Variants in DNMT3B observed in about 807,000 individuals in gnomAD.
DNMT3B encodes DNA methyltransferase 3 beta, also known as DNA (cytosine-5)-methyltransferase 3B.
Under a neutral mutation model 120.2 loss-of-function variants are expected in DNMT3B, and 37 were observed. The observed-to-expected ratio is 0.31, with a 90% confidence interval of 0.24 to 0.40. The LOEUF (loss-of-function observed/expected upper bound fraction) is 0.40. Ranked by LOEUF, DNMT3B falls within the 10% of genes least tolerant of loss-of-function variation. The probability of loss-of-function intolerance (pLI) is 1.00; values close to 1 mark genes in which losing one functional copy is unlikely to be tolerated. For synonymous variants in DNMT3B, 412 were observed against 442.8 expected, an observed-to-expected ratio of 0.93 and a Z score of 0.87; for missense variants, 878 against 1,137.3, an observed-to-expected ratio of 0.77 and a Z score of 3.28.
chr20:32,780,799 G>A (rs1309694523), intron 2 of DNMT3B, among the ~76,000 whole-genome samples: 2 of 152,132 alleles, frequency 1.3e-5, no homozygotes, highest in Admixed American at 1.3e-4. Flanking sequence ...TCAGAGCTGG[G>A]CTGGGGTTGG....
Position 32,762,685 on chromosome 20 carries a change from C to G in DNMT3B, c.-21C>G, listed in dbSNP as rs542835821. 34 of 193,836 alleles carry G rather than the reference C, an allele frequency of 1.8e-4. No homozygotes were observed. The highest frequency in any genetic ancestry group is 7.4e-4 in the African/African-American group (31 of 41,856). 12.0% of individuals were successfully genotyped at this position (193,836 alleles called of 1,614,324 possible). A position where few individuals can be genotyped will look rare whatever the true frequency, so the allele number is the denominator to read the frequency against. ...GCTCCGCCGCCCAGCCGCGCCCCAGCCAGCCCTGCGGCAGGTGAGCGCCCC... is the reference window on the plus strand; with the variant it reads ...GCTCCGCCGCCCAGCCGCGCCCCAGGCAGCCCTGCGGCAGGTGAGCGCCCC... On this transcript the variant is annotated 5_prime_UTR_variant, in exon 1 of 23. Coordinates refer to ENST00000328111, the MANE Select transcript of DNMT3B (RefSeq NM_006892.4).
chr20:32,800,959 G>T, intron 18 of DNMT3B, 34 bp downstream of exon 18: 3 of 1,612,322 alleles, frequency 1.9e-6, no homozygotes, highest in Non-Finnish European at 2.5e-6. Flanking sequence ...TCCCTGGAGA[G>T]CCTATGTCAC....
At position 32,784,836 on chromosome 20, in the gene DNMT3B, A is replaced by G. The variant is rs1979064896; in HGVS notation, c.283A>G (p.Arg95Gly). The change falls in exon 4 of 23, where the codon AGG (arginine) becomes GGG (glycine). Residue 95 changes from arginine to glycine, a missense_variant. Transcript: ENST00000328111. ...PVMPKLFRET[R>G]TRSESPAVRT... Reference sequence around the variant, plus strand: ...CATGCCAAAGCTCTTCCGGGAAACCAGGACTCGTTCAGAAAGCCCAGCTGT... The same window carrying G: ...CATGCCAAAGCTCTTCCGGGAAACCGGGACTCGTTCAGAAAGCCCAGCTGT... 1.9e-6 allele frequency: 3 copies of G among 1,614,052 alleles called. No individual in the cohort carries two copies. Among genetic ancestry groups the G allele is most frequent in the South Asian group, 2.2e-5 (2 of 91,078 alleles).
intron 4 of DNMT3B, 115 bp from the exon 5 acceptor site, chr20:32,786,387 C>T: frequency 1.4e-6 from 2 of 1,462,412 alleles, no homozygotes; most frequent in Non-Finnish European, 1.9e-6. Flanking sequence ...TTCCAGTTGT[C>T]CTGAAGCTGG....
Position 32,787,285 on chromosome 20 carries a change from G to C in DNMT3B, c.488G>C (p.Ser163Thr). ...SAGTPWPSPPSSYLTIDLTDD... is the reference protein window; with the variant it reads ...SAGTPWPSPPTSYLTIDLTDD... ...GGAACGCCATGGCCGTCCCCTCCCA[G>C]CTCTTACCTTACCATCGACCTCACA... The change falls in exon 6 of 23, where the codon AGC becomes ACC. Residue 163 changes from serine to threonine, a missense_variant. Physicochemically the swap from Ser to Thr is moderately conservative, Grantham distance 58 (BLOSUM62 1). Coordinates refer to ENST00000328111, the MANE Select transcript of DNMT3B (RefSeq NM_006892.4). The C allele has an allele frequency of 6.2e-7, 1 of 1,614,218 alleles. No individual in the cohort carries two copies. Among genetic ancestry groups the C allele is most frequent in the Non-Finnish European group, 8.5e-7 (1 of 1,180,042 alleles).
rs1981966121 is a variant in DNMT3B at position 32,806,207 on chromosome 20, A to G, written c.2302-2A>G. On this transcript the variant is annotated splice_acceptor_variant, in intron 21 of 22. Coordinates refer to ENST00000328111, the MANE Select transcript of DNMT3B (RefSeq NM_006892.4). LOFTEE classifies it high-confidence loss of function. ...ACTCCATGATGTCATTTTGTTCTCC[A>G]GTTAAAGAAAGTACAGACAATAACC... The G allele has an allele frequency of 6.2e-7, 1 of 1,613,766 alleles. No homozygotes were observed. The highest frequency in any genetic ancestry group is 8.5e-7 in the Non-Finnish European group (1 of 1,179,784).
chr20:32,780,380 C>G lies in DNMT3B; in HGVS notation c.57C>G (p.Asp19Glu). The G allele has an allele frequency of 6.2e-7, 1 of 1,613,924 alleles. No homozygotes were observed. The highest frequency in any genetic ancestry group is 8.5e-7 in the Non-Finnish European group (1 of 1,179,982). Residue 19 changes from aspartate (D) to glutamate (E), a missense_variant, in exon 2 of 23, where the codon GAC becomes GAG. Around this residue, in one of 4 missense-constraint regions of DNMT3B, gnomAD observed 287 missense variants for 306.2 expected, o/e 0.94. Coordinates refer to ENST00000328111, the MANE Select transcript of DNMT3B (RefSeq NM_006892.4). ...NGEEDAGGRE[D>E]SILVNGACSD... ...AGGAGGACGCCGGCGGGAGGGAAGACTCGATCCTCGTCAACGGGGCCTGCA... is the reference window on the plus strand; with the variant it reads ...AGGAGGACGCCGGCGGGAGGGAAGAGTCGATCCTCGTCAACGGGGCCTGCA...
chr20:32,806,300 A>G lies in DNMT3B; in HGVS notation c.2393A>G (p.Asp798Gly). The G allele has an allele frequency of 1.2e-6, 2 of 1,614,240 alleles. No individual in the cohort carries two copies. Among genetic ancestry groups the G allele is most frequent in the South Asian group, 1.1e-5 (1 of 91,086 alleles). Residue 798 changes from aspartate (D) to glycine (G), a missense_variant, in exon 22 of 23, where the codon GAT (aspartate) becomes GGT (glycine). Transcript: ENST00000328111. ...CCTGTTGTCATGAATGGCAAAGAAG[A>G]TGTTTTGTGGTGCACTGAGCTCGAA... ...LFPVVMNGKE[D>G]VLWCTELERI...
At chr20:32,765,391 TTGG>T (rs1212589432) in intron 1 of DNMT3B, among the ~76,000 whole-genome samples, 2 of 151,778 alleles carry the variant, frequency 1.3e-5, no homozygotes, top group African/African-American at 4.8e-5. Flanking sequence ...CTATTACGTC[TTGG>T]TGGTGAGCAT....
intron 1 of DNMT3B, among the ~76,000 whole-genome samples, chr20:32,774,864 G>A (rs1055958830): frequency 3.3e-5 from 5 of 151,736 alleles, no homozygotes; most frequent in African/African-American, 9.7e-5. Flanking sequence ...GATTACATGC[G>A]CCCACCACCA....
At chr20:32,786,231 T>C (rs946595412) in intron 4 of DNMT3B, among the ~76,000 whole-genome samples, 14 of 152,270 alleles carry the variant, frequency 9.2e-5, no homozygotes, top group African/African-American at 3.1e-4. Context: ...CCATTTCAGC[T>C]GGCCATGTCT....
rs137988389 is a variant in DNMT3B at position 32,798,661 on chromosome 20, G to T, written c.1674+18G>T. ...TTGAATATGTAAGCCACAGGCTCCC[G>T]CCTCTACCACCACAGATCCCAGGGG... On this transcript the variant is annotated intron_variant, in intron 15 of 22. Coordinates refer to ENST00000328111, the MANE Select transcript of DNMT3B (RefSeq NM_006892.4). 2 of 1,613,620 alleles carry T rather than the reference G, an allele frequency of 1.2e-6. No homozygotes were observed. Among genetic ancestry groups the T allele is most frequent in the Admixed American group, 1.7e-5 (1 of 60,010 alleles).
chr20:32,769,773 C>A (rs4911254), intron 1 of DNMT3B, among the ~76,000 whole-genome samples: 85,008 of 151,164 alleles, frequency 0.56, 26,932 homozygotes, highest in East Asian at 0.92. Context: ...TTTGAGACAG[C>A]ATCTCACTCT....
intron 1 of DNMT3B, among the ~76,000 whole-genome samples, chr20:32,774,695 G>A: frequency 6.7e-6 from 1 of 149,538 alleles, no homozygotes. Flanking sequence ...GGTCTCCCAT[G>A]TCTTGTCTTG....
chr20:32,781,505 T>C lies in DNMT3B; in HGVS notation c.204+91T>C, dbSNP rs1174541091. 7 of 1,372,554 alleles carry C rather than the reference T, an allele frequency of 5.1e-6. No homozygotes were observed. The African/African-American group carries it at 1.0e-4, about 20-fold the overall frequency. The allele number at this position is 1,372,554 out of a possible 1,614,324, so 85.0% of individuals were successfully genotyped here. The stretch of plus-strand genomic sequence containing the variant: ...TGCCTGAGGCCCATAAAAACTGGCA[T>C]CTGCAAATGTATGGAGGGTTGCCGA... On this transcript the variant is annotated intron_variant, in intron 3 of 22. Transcript: ENST00000328111.
chr20:32,803,799 G>A (rs546683027), intron 20 of DNMT3B, among the ~76,000 whole-genome samples: 1 of 152,298 alleles, frequency 6.6e-6, no homozygotes, highest in East Asian at 1.9e-4. Context: ...GGGTGGCTGG[G>A]AGAGAAGGAC....
Position 32,788,958 on chromosome 20 carries a change from G to C in DNMT3B, c.759G>C (p.Gln253His). ...VVSWKATSKR[Q>H]AMSGMRWVQW... ...CTTGGAAGGCCACCTCCAAGCGACAGGCTATGTCTGGCATGCGGTGGGTCC... is the reference window on the plus strand; with the variant it reads ...CTTGGAAGGCCACCTCCAAGCGACACGCTATGTCTGGCATGCGGTGGGTCC... The change falls in exon 7 of 23, where the codon CAG (glutamine) becomes CAC (histidine). Residue 253 changes from glutamine to histidine, a missense_variant. By Grantham distance (24) the Gln-to-His change is conservative. Transcript: ENST00000328111. 5.0e-6 allele frequency: 8 copies of C among 1,614,240 alleles called. No individual in the cohort carries two copies. Among genetic ancestry groups the C allele is most frequent in the Non-Finnish European group, 6.8e-6 (8 of 1,180,046 alleles).
intron 18 of DNMT3B, 126 bp from the exon 19 acceptor site, chr20:32,801,152 C>A: frequency 7.1e-7 from 1 of 1,406,838 alleles, no homozygotes; most frequent in Non-Finnish European, 9.9e-7. Context: ...TTCAGGTGGA[C>A]ATAGACTGGT....
intron 19 of DNMT3B, among the ~76,000 whole-genome samples, chr20:32,802,049 A>G (rs1316610227): frequency 1.3e-5 from 2 of 152,194 alleles, no homozygotes; most frequent in Admixed American, 6.5e-5. Flanking sequence ...GACCAGGCAC[A>G]GTGGCTCATG....
Sources: allele counts gnomAD v4.1 joint callset (sites outside exome capture counted in the v4.1 genomes callset), GRCh38; gene constraint gnomAD v4.1.1; regional missense constraint gnomAD v4.1.1; transcripts MANE v1.5; gene names NCBI Gene and HGNC (gene_info 2026-07-23, HGNC 2026-07-21).